The following STYX variants were observed in gnomAD, a reference collection of about 807,000 sequenced individuals.
The protein encoded by STYX is serine/threonine/tyrosine-interacting protein.
STYX carries 20 observed loss-of-function variants against 42.7 expected under a neutral mutation model. The ratio of observed to expected loss-of-function variants is 0.47; its 90% CI spans 0.33 to 0.68. STYX has a LOEUF of 0.68. STYX is among the 30% of genes least tolerant of loss of function. The pLI is 0.02. For synonymous variants in STYX, 78 were observed against 81.9 expected (o/e 0.95, Z 0.26); for missense variants, 226 against 268.5 (o/e 0.84, Z 1.11).
At chr14:52,741,958 G>T (rs749800367) in intron 1 of STYX, among the ~76,000 whole-genome samples, 1 of 152,076 alleles carries the variant, frequency 6.6e-6, no homozygotes, top group Non-Finnish European at 1.5e-5. Flanking sequence ...GTTTTTGATT[G>T]TGAGCTTGTT....
intron 1 of STYX, among the ~76,000 whole-genome samples, chr14:52,743,331 C>T (rs992760770): frequency 1.3e-5 from 2 of 151,882 alleles, no homozygotes; most frequent in Non-Finnish European, 2.9e-5. Flanking sequence ...CCCGAAATCC[C>T]AGCACTTTGG....
Position 52,756,570 on chromosome 14 carries a change from G to A in STYX, c.262G>A (p.Ala88Thr). ...QLFRYLVLDI[A>T]DNPVENIIRF... ...TTTCAGATATTTAGTCCTGGATATTGCAGATAATCCAGTTGAAAATATAAT... is the reference window on the plus strand; with the variant it reads ...TTTCAGATATTTAGTCCTGGATATTACAGATAATCCAGTTGAAAATATAAT... The change falls in exon 5 of 11, where the codon GCA (alanine) becomes ACA (threonine). Residue 88 changes from alanine (A) to threonine (T), a missense_variant. Transcript: ENST00000354586. 6.6e-7 allele frequency: 1 copy of A among 1,526,072 alleles called. No individual in the cohort carries two copies. Among genetic ancestry groups the A allele is most frequent in the South Asian group, 1.2e-5 (1 of 81,746 alleles). 94.5% of individuals were successfully genotyped at this position (1,526,072 alleles called of 1,614,324 possible).
chr14:52,737,993 G>A (rs1250503256), intron 1 of STYX, among the ~76,000 whole-genome samples: 1 of 152,134 alleles, frequency 6.6e-6, no homozygotes, highest in African/African-American at 2.4e-5. Context: ...AGCCAGGATG[G>A]TCTCGATCTC....
At chr14:52,737,614 C>A (rs1785235517) in intron 1 of STYX, among the ~76,000 whole-genome samples, 1 of 152,156 alleles carries the variant, frequency 6.6e-6, no homozygotes, top group African/African-American at 2.4e-5. Flanking sequence ...TCCATTAATA[C>A]CACGGTTTCT....
chr14:52,759,689 T>C lies in STYX; in HGVS notation c.439T>C (p.Phe147Leu). 1.2e-6 allele frequency: 2 copies of C among 1,604,116 alleles called. No individual in the cohort carries two copies. Among genetic ancestry groups the C allele is most frequent in the Non-Finnish European group, 1.7e-6 (2 of 1,172,916 alleles). The change falls in exon 9 of 11, where the codon TTT becomes CTT. Residue 147 changes from phenylalanine (F) to leucine (L), a missense_variant. Phe to Leu is a conservative substitution (Grantham distance 22). Coordinates refer to ENST00000354586, the MANE Select transcript of STYX (RefSeq NM_145251.4). ...CTCTTTTTCTGTTTTCAGAGATGCT[T>C]TTGCTTATGTTCAAGAAAGAAGATT... ...ETFGMKYRDA[F>L]AYVQERRFCI...
At chr14:52,744,988 A>C in intron 2 of STYX, 104 bp downstream of exon 2, 1 of 854,090 alleles carries the variant, frequency 1.2e-6, no homozygotes, top group Non-Finnish European at 1.8e-6. Flanking sequence ...CTGTAGGTTC[A>C]TCATTATGTA....
chr14:52,754,731 A>G (rs1451300514), intron 4 of STYX, among the ~76,000 whole-genome samples: 4 of 152,192 alleles, frequency 2.6e-5, no homozygotes, highest in African/African-American at 9.7e-5. Context: ...ATCAAACTAT[A>G]TAAGGTGAAA....
chr14:52,739,379 T>G (rs7143253), intron 1 of STYX, among the ~76,000 whole-genome samples: 96,471 of 151,808 alleles, frequency 0.64, 31,039 homozygotes, highest in African/African-American at 0.74. Flanking sequence ...TCAAAAGTAC[T>G]CATTTCTTTA....
chr14:52,747,427 A>AT (rs1203428643), intron 3 of STYX, among the ~76,000 whole-genome samples: 1 of 152,180 alleles, frequency 6.6e-6, no homozygotes, highest in Non-Finnish European at 1.5e-5. Flanking sequence ...AAACTGGAAG[A>AT]TTTTTTTGAC....
chr14:52,747,607 T>C (rs1405136455), intron 3 of STYX, among the ~76,000 whole-genome samples: 2 of 152,260 alleles, frequency 1.3e-5, no homozygotes, highest in Non-Finnish European at 2.9e-5. Context: ...ATTGTCCATA[T>C]AATTTGCTAT....
intron 1 of STYX, among the ~76,000 whole-genome samples, chr14:52,732,365 C>T (rs183981379): frequency 6.6e-6 from 1 of 151,444 alleles, no homozygotes; most frequent in Non-Finnish European, 1.5e-5. Context: ...CTCTGCCTCC[C>T]GTGTTCACGC....
At chr14:52,731,433 C>CTTTTTTTTTT (rs34855760) in intron 1 of STYX, among the ~76,000 whole-genome samples, 3 of 105,628 alleles carry the variant, frequency 2.8e-5, no homozygotes, top group African/African-American at 3.7e-5. Flanking sequence ...TGGAGGTTCA[C>CTTTTTTTTTT]TTTTTTTTTT....
chr14:52,742,624 A>G (rs1158065989), intron 1 of STYX, among the ~76,000 whole-genome samples: 1 of 152,214 alleles, frequency 6.6e-6, no homozygotes, highest in Non-Finnish European at 1.5e-5. Flanking sequence ...CAGTGTGCTG[A>G]GCAGAGGAAG....
chr14:52,755,006 T>A (rs1469014557), intron 4 of STYX, among the ~76,000 whole-genome samples: 1 of 152,188 alleles, frequency 6.6e-6, no homozygotes, highest in Non-Finnish European at 1.5e-5. Context: ...TTTATGTAAC[T>A]GGAATACCCA....
At chr14:52,741,276 ATAGGG>A (rs1169468278) in intron 1 of STYX, among the ~76,000 whole-genome samples, 1 of 150,704 alleles carries the variant, frequency 6.6e-6, no homozygotes, top group Non-Finnish European at 1.5e-5. Context: ...AGATATTATA[ATAGGG>A]TAGGTGTATG....
intron 1 of STYX, among the ~76,000 whole-genome samples, chr14:52,737,072 C>A (rs1277886745): frequency 6.6e-6 from 1 of 152,112 alleles, no homozygotes; most frequent in Non-Finnish European, 1.5e-5. Flanking sequence ...TGTTGCCCCC[C>A]ACCTCCAGCC....
intron 2 of STYX, among the ~76,000 whole-genome samples, chr14:52,745,689 A>G (rs1197143095): frequency 1.3e-5 from 2 of 152,186 alleles, no homozygotes; most frequent in South Asian, 2.1e-4. Context: ...TTTCTTTTGC[A>G]TTTCATACCA....
chr14:52,736,287 C>T (rs1290198229), intron 1 of STYX, among the ~76,000 whole-genome samples: 1 of 152,206 alleles, frequency 6.6e-6, no homozygotes, highest in African/African-American at 2.4e-5. Context: ...ATCCTCTAGA[C>T]TGGTTCAATT....
intron 9 of STYX, among the ~76,000 whole-genome samples, chr14:52,760,783 G>GTT (rs200636314): frequency 1.3e-5 from 2 of 150,314 alleles, no homozygotes; most frequent in African/African-American, 4.9e-5. Flanking sequence ...AGAAAACATT[G>GTT]TTTTTTTTCA....
Sources: allele counts gnomAD v4.1 joint callset (sites outside exome capture counted in the v4.1 genomes callset), GRCh38; gene constraint gnomAD v4.1.1; transcripts MANE v1.5; gene names NCBI Gene and HGNC (gene_info 2026-07-23, HGNC 2026-07-21).